The following STXBP5L variants were observed in gnomAD, a reference collection of about 807,000 sequenced individuals.
STXBP5L encodes syntaxin-binding protein 5-like.
A neutral mutation model predicts 144.5 loss-of-function variants in STXBP5L; 65 were observed. That is an observed-to-expected ratio of 0.45 (90% CI 0.37 to 0.55). STXBP5L has a LOEUF of 0.55. STXBP5L is among the 20% of genes least tolerant of loss of function. The pLI is 0.00. For missense variants in STXBP5L, 1,298 were observed against 1,405.5 expected (o/e 0.92, Z 1.22); for synonymous variants, 505 against 469.6 (o/e 1.08, Z -0.97).
intron 2 of STXBP5L, chr3:120,925,028 G>A (rs1243077429): frequency 2.0e-5 from 3 of 152,156 alleles, no homozygotes; most frequent in African/African-American, 7.2e-5. Context: ...ATTTTAAATT[G>A]TTGTATTCCT....
chr3:121,218,565 C>CCT (rs2048876180), intron 10 of STXBP5L, among the ~76,000 whole-genome samples: 2 of 151,700 alleles, frequency 1.3e-5, no homozygotes, highest in South Asian at 4.2e-4. Flanking sequence ...TATGGGAGCA[C>CCT]ACAAAAAGAG....
chr3:121,294,294 G>C (rs542204588), intron 19 of STXBP5L, among the ~76,000 whole-genome samples: 1 of 152,364 alleles, frequency 6.6e-6, no homozygotes, highest in South Asian at 2.1e-4. Context: ...CATTCAATGT[G>C]AGAGATAAGA....
intron 22 of STXBP5L, among the ~76,000 whole-genome samples, chr3:121,403,214 T>A (rs2046923162): frequency 6.6e-6 from 1 of 152,124 alleles, no homozygotes; most frequent in South Asian, 2.1e-4. Flanking sequence ...AACTAGGTGA[T>A]TCATTTAACA....
intron 8 of STXBP5L, among the ~76,000 whole-genome samples, chr3:121,155,880 A>C (rs1182131288): frequency 6.6e-6 from 1 of 151,876 alleles, no homozygotes; most frequent in East Asian, 1.9e-4. Flanking sequence ...AATTCAGTGA[A>C]ATAAGAAAGT....
At chr3:121,366,972 T>C (rs1405139108) in intron 20 of STXBP5L, among the ~76,000 whole-genome samples, 1 of 152,180 alleles carries the variant, frequency 6.6e-6, no homozygotes, top group Non-Finnish European at 1.5e-5. Flanking sequence ...GTTATAACAC[T>C]AAGATTTGAA....
At chr3:120,947,540 T>G (rs1710939222) in intron 2 of STXBP5L, among the ~76,000 whole-genome samples, 1 of 151,836 alleles carries the variant, frequency 6.6e-6, no homozygotes, top group African/African-American at 2.4e-5. Flanking sequence ...CACAGAGTTG[T>G]GCAACAACCT....
intron 3 of STXBP5L, among the ~76,000 whole-genome samples, chr3:121,037,953 A>G (rs367880000): frequency 1.2e-4 from 18 of 151,862 alleles, no homozygotes; most frequent in African/African-American, 4.1e-4. Context: ...TTTTTAAATA[A>G]TATTTGTTTG....
intron 3 of STXBP5L, among the ~76,000 whole-genome samples, chr3:121,001,726 G>T (rs566379297): frequency 6.6e-6 from 1 of 152,148 alleles, no homozygotes; most frequent in Non-Finnish European, 1.5e-5. Flanking sequence ...CCTGTATAGG[G>T]TTCCCAGCTT....
intron 2 of STXBP5L, among the ~76,000 whole-genome samples, chr3:120,930,863 T>C (rs1163085819): frequency 6.6e-6 from 1 of 152,158 alleles, no homozygotes; most frequent in Admixed American, 6.5e-5. Flanking sequence ...AATGTGGTAC[T>C]CCTTTGTCAT....
intron 3 of STXBP5L, among the ~76,000 whole-genome samples, chr3:120,958,875 A>G (rs1400259958): frequency 6.6e-6 from 1 of 152,200 alleles, no homozygotes; most frequent in Non-Finnish European, 1.5e-5. Context: ...CACCACTCCT[A>G]TTCAACATAG....
At chr3:121,211,898 G>T (rs914629144) in intron 10 of STXBP5L, among the ~76,000 whole-genome samples, 2 of 152,032 alleles carry the variant, frequency 1.3e-5, no homozygotes, top group Admixed American at 1.3e-4. Flanking sequence ...ACTTTTTAAG[G>T]ATCGCCATTC....
Position 121,003,957 on chromosome 3 carries a change from G to C in STXBP5L, c.288-37743G>C, listed in dbSNP as rs564995580. Among the ~76,000 whole-genome samples the C allele has an allele frequency of 3.3e-5, 5 of 152,250 alleles. No homozygotes were observed. In the South Asian group the frequency reaches 1.0e-3, roughly 32 times the overall value. On this transcript the variant is annotated intron_variant, in intron 3 of 26. Transcript: ENST00000471454. ...ACGCTGTTTTGGTTACTGTAGCCTT[G>C]CAGTATAGTTTGAAGTCAGGTAGCG...
At chr3:121,144,020 A>C (rs973293398) in intron 7 of STXBP5L, among the ~76,000 whole-genome samples, 11 of 151,862 alleles carry the variant, frequency 7.2e-5, no homozygotes, top group Non-Finnish European at 1.5e-4. Flanking sequence ...TCTGCATAGC[A>C]AAAGAAACAA....
intron 7 of STXBP5L, among the ~76,000 whole-genome samples, chr3:121,128,918 G>A (rs1487892810): frequency 6.6e-6 from 1 of 152,036 alleles, no homozygotes; most frequent in Non-Finnish European, 1.5e-5. Flanking sequence ...ATCCTGAAAT[G>A]CTCTAATAAG....
chr3:120,984,210 C>T (rs1942071445), intron 3 of STXBP5L, among the ~76,000 whole-genome samples: 1 of 152,172 alleles, frequency 6.6e-6, no homozygotes, highest in Non-Finnish European at 1.5e-5. Context: ...TCTAGAGTCT[C>T]TGTGAGTGAC....
intron 24 of STXBP5L, 29 bp downstream of exon 24, chr3:121,413,352 G>T: frequency 6.7e-7 from 1 of 1,503,240 alleles, no homozygotes; most frequent in South Asian, 1.4e-5. Context: ...TTATGAAAAA[G>T]ACATTGGACA....
At chr3:121,330,819 A>C (rs2044298930) in intron 20 of STXBP5L, among the ~76,000 whole-genome samples, 1 of 152,226 alleles carries the variant, frequency 6.6e-6, no homozygotes, top group Non-Finnish European at 1.5e-5. Flanking sequence ...GTCTGTTCAC[A>C]TGACCCGTTC....
At chr3:121,157,666 T>G in intron 9 of STXBP5L, 39 bp downstream of exon 9, 3 of 1,573,016 alleles carry the variant, frequency 1.9e-6, no homozygotes, top group Non-Finnish European at 2.6e-6. Context: ...ACACTGGCAA[T>G]TCAGTGCCTT....
At chr3:121,123,200 A>G (rs2107858534) in intron 7 of STXBP5L, among the ~76,000 whole-genome samples, 1 of 151,686 alleles carries the variant, frequency 6.6e-6, no homozygotes, top group South Asian at 2.1e-4. Flanking sequence ...ATTTTAAAAT[A>G]TCAGAGAATG....
Sources: allele counts gnomAD v4.1 joint callset (sites outside exome capture counted in the v4.1 genomes callset), GRCh38; gene constraint gnomAD v4.1.1; transcripts MANE v1.5; gene names NCBI Gene and HGNC (gene_info 2026-07-23, HGNC 2026-07-21).